Variants in UACA observed in about 807,000 individuals in gnomAD.
UACA encodes the protein nuclear membrane binding protein.
UACA carries 112 observed loss-of-function variants against 160.5 expected under a neutral mutation model. That is an observed-to-expected ratio of 0.70 (90% CI 0.60 to 0.82). The LOEUF (loss-of-function observed/expected upper bound fraction) is 0.82, where lower values mean the gene tolerates loss of function less well. UACA is among the 40% of genes least tolerant of loss of function. UACA has a pLI of 0.00. For synonymous variants in UACA, 557 were observed against 568.4 expected, an observed-to-expected ratio of 0.98 and a Z score of 0.29; for missense variants, 1,574 against 1,614.6, an observed-to-expected ratio of 0.97 and a Z score of 0.43.
intron 1 of UACA, 88 bp downstream of exon 1, chr15:70,763,242 G>A (rs1398162863): frequency 1.0e-5 from 13 of 1,262,286 alleles, no homozygotes; most frequent in Non-Finnish European, 1.3e-5. Context: ...AGGAAAAGCA[G>A]AGGAAGGCGG....
intron 1 of UACA, among the ~76,000 whole-genome samples, chr15:70,718,791 T>A (rs1327172220): frequency 6.6e-6 from 1 of 152,110 alleles, no homozygotes; most frequent in African/African-American, 2.4e-5. Context: ...AAAATAATTT[T>A]AAAATATGTG....
chr15:70,724,000 G>A (rs915917306), intron 1 of UACA, among the ~76,000 whole-genome samples: 1 of 152,004 alleles, frequency 6.6e-6, no homozygotes, highest in African/African-American at 2.4e-5. Context: ...TATATATTCT[G>A]GTATATCTCT....
At chr15:70,716,042 G>C (rs1361482735) in intron 1 of UACA, among the ~76,000 whole-genome samples, 1 of 152,272 alleles carries the variant, frequency 6.6e-6, no homozygotes, top group East Asian at 1.9e-4. Context: ...CAATGTGATT[G>C]TGCCACTCCT....
chr15:70,679,701 G>T, intron 9 of UACA, 25 bp from the exon 10 acceptor site: 1 of 1,484,732 alleles, frequency 6.7e-7, no homozygotes, highest in East Asian at 2.5e-5. Flanking sequence ...AAGAAAACAC[G>T]GGTCAGCAAG....
rs555713500 is a variant in UACA, at chr15:70,679,689, A to C, written c.823-13T>G. 1.6e-5 allele frequency: 25 copies of C among 1,562,384 alleles called. 1 individual carries two copies. In the South Asian group the frequency reaches 2.9e-4, roughly 18 times the overall value. ...GTGTCAAATTTCGCTTTGGTAAAAC[A>C]TAAGAAAACACGGGTCAGCAAGTGT... On this transcript the variant is annotated splice_polypyrimidine_tract_variant and intron_variant, in intron 9 of 18. Transcript: ENST00000322954.
At chr15:70,699,745 G>C (rs1898272651) in intron 1 of UACA, 85 bp from the exon 2 acceptor site, 2 of 1,461,002 alleles carry the variant, frequency 1.4e-6, no homozygotes, top group Non-Finnish European at 1.9e-6. Context: ...AGAAAGGAAA[G>C]CAGTACTGCA....
rs183342430 is a variant in UACA at position 70,759,656 on chromosome 15, G to A, written c.78+3674C>T. On this transcript the variant is annotated intron_variant, in intron 1 of 18. Coordinates refer to ENST00000322954, the MANE Select transcript of UACA (RefSeq NM_018003.4). ...GGCAACAAGAGTGAAACTCCATCTC[G>A]AAAAATAAATAAATAAATAATAAAT... is the stretch of plus-strand genomic sequence containing the variant. 9.8e-3 allele frequency among the ~76,000 whole-genome samples: 1,497 copies of A among 152,120 alleles called. 20 individuals carry two copies. The highest frequency in any genetic ancestry group is 0.034 in the African/African-American group (1,432 of 41,514).
chr15:70,704,079 C>G (rs1457571862), intron 1 of UACA, among the ~76,000 whole-genome samples: 1 of 152,186 alleles, frequency 6.6e-6, no homozygotes, highest in South Asian at 2.1e-4. Context: ...GTCTCCTCAG[C>G]TCCCCTCTAA....
At position 70,667,305 on chromosome 15, in the gene UACA, T is replaced by C; in HGVS notation, c.3379A>G (p.Thr1127Ala). Residue 1127 changes from threonine (T) to alanine (A), a missense_variant, in exon 16 of 19, where the codon ACA becomes GCA. By Grantham distance (58) the Thr-to-Ala change is moderately conservative. Coordinates refer to ENST00000322954, the MANE Select transcript of UACA (RefSeq NM_018003.4). The stretch of plus-strand genomic sequence containing the variant: ...AGTTCTTCCTTTAGATTTTCAATTG[T>C]GCCATTAAGAGATTTTTTCAGAGCC... ...VEALKKSLNG[T>A]IENLKEELKS... 2 of 1,611,182 alleles carry C rather than the reference T, an allele frequency of 1.2e-6. No homozygotes were observed. The highest frequency in any genetic ancestry group is 1.7e-6 in the Non-Finnish European group (2 of 1,179,386).
intron 1 of UACA, among the ~76,000 whole-genome samples, chr15:70,762,165 T>G (rs2030801002): frequency 6.6e-6 from 1 of 152,162 alleles, no homozygotes; most frequent in Admixed American, 6.5e-5. Context: ...TTTTTTGAAA[T>G]AGGAATTTAA....
intron 2 of UACA, among the ~76,000 whole-genome samples, chr15:70,697,111 C>T (rs985470701): frequency 2.0e-5 from 3 of 152,160 alleles, no homozygotes; most frequent in African/African-American, 7.2e-5. Flanking sequence ...ACTTCTATAA[C>T]AGGAGATATA....
chr15:70,718,261 GA>G (rs1170952028), intron 1 of UACA, among the ~76,000 whole-genome samples: 1 of 145,338 alleles, frequency 6.9e-6, no homozygotes, highest in African/African-American at 2.5e-5. Context: ...GGGGGGGAGG[GA>G]GGGGGAGGAG....
chr15:70,760,198 T>G (rs2030662117), intron 1 of UACA, among the ~76,000 whole-genome samples: 1 of 151,940 alleles, frequency 6.6e-6, no homozygotes, highest in Non-Finnish European at 1.5e-5. Flanking sequence ...AACACCATAA[T>G]AAGTATCTTA....
At position 70,668,945 on chromosome 15, in the gene UACA, TCC is replaced by T; in HGVS notation, c.1737_1738del (p.Asp580Ter). On this transcript the variant is annotated frameshift_variant, in exon 16 of 19. Transcript: ENST00000322954. LOFTEE classifies it high-confidence loss of function. ...ATTTTCTTCTATCAGCTTGCCTTCA[TCC>T]CTCTTAAACTCTTCTACTATCATCT... is the stretch of plus-strand genomic sequence containing the variant. 1 of 1,613,950 alleles carries T rather than the reference TCC, an allele frequency of 6.2e-7. No individual in the cohort carries two copies.
rs34530236 is a variant in UACA at position 70,760,805 on chromosome 15, C to CAA, written c.78+2523_78+2524dup. Among the ~76,000 whole-genome samples, 147 of 62,938 alleles carry CAA rather than the reference C, an allele frequency of 2.3e-3. No homozygotes were observed. The Middle Eastern group carries it at 0.078, about 33-fold the overall frequency. 41.3% of individuals were successfully genotyped at this position (62,938 alleles called of 152,430 possible). A position where few individuals can be genotyped will look rare whatever the true frequency, so the allele number is the denominator to read the frequency against. On this transcript the variant is annotated intron_variant, in intron 1 of 18. Transcript: ENST00000322954. The stretch of plus-strand genomic sequence containing the variant: ...CTGGCGACCGAGCGAGACTCCGTCT[C>CAA]AAAAAAAAAAAAAAAACAGAAAAAG...
At chr15:70,743,279 C>A (rs1034785365) in intron 1 of UACA, among the ~76,000 whole-genome samples, 1 of 152,234 alleles carries the variant, frequency 6.6e-6, no homozygotes, top group Non-Finnish European at 1.5e-5. Flanking sequence ...AGAATAGGCA[C>A]ACCTAGGTCT....
At chr15:70,657,297 A>G (rs767089936) in intron 18 of UACA, among the ~76,000 whole-genome samples, 170 bp from the exon 19 acceptor site, 3 of 152,010 alleles carry the variant, frequency 2.0e-5, no homozygotes, top group Non-Finnish European at 4.4e-5. Flanking sequence ...CAGCCCTATC[A>G]TGAAAATAAG....
At chr15:70,723,944 A>G (rs1899071698) in intron 1 of UACA, among the ~76,000 whole-genome samples, 2 of 152,116 alleles carry the variant, frequency 1.3e-5, no homozygotes, top group South Asian at 4.1e-4. Context: ...GAACTTTTTC[A>G]AAGAAACTTC....
chr15:70,714,612 G>C (rs193188749), intron 1 of UACA, among the ~76,000 whole-genome samples: 1 of 152,164 alleles, frequency 6.6e-6, no homozygotes, highest in Admixed American at 6.5e-5. Flanking sequence ...AAAAGATGAT[G>C]ATGTTTTAAA....
Sources: allele counts gnomAD v4.1 joint callset (sites outside exome capture counted in the v4.1 genomes callset), GRCh38; gene constraint gnomAD v4.1.1; transcripts MANE v1.5; gene names NCBI Gene and HGNC (gene_info 2026-07-23, HGNC 2026-07-21).